The following VOPP1 variants were observed in gnomAD, a reference collection of about 807,000 sequenced individuals.
VOPP1 encodes WW domain binding protein VOPP1.
Under a neutral mutation model 23.5 loss-of-function variants are expected in VOPP1, and 8 were observed. The ratio of observed to expected loss-of-function variants is 0.34; its 90% confidence interval spans 0.20 to 0.61. VOPP1 has a LOEUF of 0.61. Among genes scored for constraint, VOPP1 ranks in the 20% least tolerant of loss-of-function variants. The pLI is 0.78. For missense variants in VOPP1, 174 were observed against 238.1 expected, an observed-to-expected ratio of 0.73 and a Z score of 1.77; for synonymous variants, 83 against 97.3, an observed-to-expected ratio of 0.85 and a Z score of 0.86.
intron 2 of VOPP1, 88 bp downstream of exon 2, chr7:55,520,984 C>A: frequency 1.4e-6 from 2 of 1,424,136 alleles, no homozygotes; most frequent in Non-Finnish European, 1.9e-6. Context: ...CCGGGCTTTC[C>A]CCATCCCACA....
intron 1 of VOPP1, 37 bp downstream of exon 1, chr7:55,572,234 G>A (rs1358318878): frequency 1.3e-6 from 2 of 1,495,592 alleles, no homozygotes; most frequent in South Asian, 1.2e-5. Flanking sequence ...CATGGTGGGC[G>A]CCGCGCCTCC....
chr7:55,553,778 C>T (rs1797708542), intron 1 of VOPP1: 1 of 152,212 alleles, frequency 6.6e-6, no homozygotes, highest in Non-Finnish European at 1.5e-5. Context: ...CACACACACA[C>T]ACACACACAC....
intron 4 of VOPP1, among the ~76,000 whole-genome samples, chr7:55,447,369 C>A (rs1313295797): frequency 6.6e-6 from 1 of 152,140 alleles, no homozygotes; most frequent in Non-Finnish European, 1.5e-5. Context: ...GTTCACGGTG[C>A]GTAAGGTTTG....
At chr7:55,542,555 C>G (rs905998514) in intron 1 of VOPP1, among the ~76,000 whole-genome samples, 2 of 152,208 alleles carry the variant, frequency 1.3e-5, no homozygotes, top group East Asian at 3.9e-4. Flanking sequence ...TTTGGGAGGC[C>G]GAGGCGGGCA....
chr7:55,520,007 A>T (rs1473591815), intron 2 of VOPP1, among the ~76,000 whole-genome samples: 1 of 152,172 alleles, frequency 6.6e-6, no homozygotes, highest in Non-Finnish European at 1.5e-5. Flanking sequence ...ACACGCCTGT[A>T]ATCTCAGCTA....
chr7:55,496,088 T>C (rs1793929083), intron 3 of VOPP1, among the ~76,000 whole-genome samples: 1 of 152,218 alleles, frequency 6.6e-6, no homozygotes, highest in African/African-American at 2.4e-5. Context: ...TGCCAGGCCC[T>C]AAAAGTTCAG....
At chr7:55,507,803 T>C (rs1460727346) in intron 2 of VOPP1, among the ~76,000 whole-genome samples, 2 of 152,170 alleles carry the variant, frequency 1.3e-5, no homozygotes, top group Non-Finnish European at 2.9e-5. Context: ...CCCATTTTGA[T>C]GATGTTTCAA....
At chr7:55,511,303 T>C (rs911775857) in intron 2 of VOPP1, among the ~76,000 whole-genome samples, 4 of 152,208 alleles carry the variant, frequency 2.6e-5, no homozygotes, top group Admixed American at 2.6e-4. Flanking sequence ...CGGTATTTAG[T>C]AGAATATAAG....
At chr7:55,546,554 C>T (rs1312403704) in intron 1 of VOPP1, among the ~76,000 whole-genome samples, 1 of 152,178 alleles carries the variant, frequency 6.6e-6, no homozygotes, top group African/African-American at 2.4e-5. Flanking sequence ...TAGGCAAATG[C>T]AGCATGGCAA....
At chr7:55,504,595 G>A (rs151327750) in intron 2 of VOPP1, among the ~76,000 whole-genome samples, 1,672 of 152,300 alleles carry the variant, frequency 0.011, 11 homozygotes, top group Middle Eastern at 0.02. Context: ...CCAGGCAGAC[G>A]CTGCCACTCC....
chr7:55,545,503 C>T (rs1431070884), intron 1 of VOPP1, among the ~76,000 whole-genome samples: 2 of 152,230 alleles, frequency 1.3e-5, no homozygotes, highest in African/African-American at 4.8e-5. Flanking sequence ...AGCCTGCTCT[C>T]CCCATCCTCT....
At chr7:55,566,243 T>C (rs1798160121) in intron 1 of VOPP1, among the ~76,000 whole-genome samples, 1 of 152,206 alleles carries the variant, frequency 6.6e-6, no homozygotes. Flanking sequence ...ACTATGATCA[T>C]GCCACTGAAG....
intron 1 of VOPP1, among the ~76,000 whole-genome samples, chr7:55,523,322 C>T (rs2129042665): frequency 6.6e-6 from 1 of 152,254 alleles, no homozygotes; most frequent in South Asian, 2.1e-4. Context: ...TCACAGTTTG[C>T]ACACATCAAA....
At chr7:55,562,096 TTC>T in intron 1 of VOPP1, 2 of 702,668 alleles carry the variant, frequency 2.8e-6, no homozygotes, top group Non-Finnish European at 5.2e-6. Flanking sequence ...CAGGTAATTG[TTC>T]GAAACTCCCT....
At chr7:55,508,904 C>T (rs1583965853) in intron 2 of VOPP1, among the ~76,000 whole-genome samples, 1 of 152,044 alleles carries the variant, frequency 6.6e-6, no homozygotes, top group Admixed American at 6.6e-5. Context: ...ATTAGCCAGA[C>T]GTGGTAGCAT....
intron 2 of VOPP1, among the ~76,000 whole-genome samples, chr7:55,504,973 T>C (rs1457643011): frequency 6.6e-6 from 1 of 152,258 alleles, no homozygotes; most frequent in Non-Finnish European, 1.5e-5. Context: ...ACGGATGCAG[T>C]ACAGTCTGGG....
intron 1 of VOPP1, among the ~76,000 whole-genome samples, chr7:55,542,793 GA>G (rs202064738): frequency 0.1 from 14,062 of 139,374 alleles, 873 homozygotes; most frequent in East Asian, 0.28. Flanking sequence ...CCATCTCCAA[GA>G]AAAAAAAAAA....
intron 1 of VOPP1, among the ~76,000 whole-genome samples, chr7:55,570,815 G>C (rs943176179): frequency 4.6e-5 from 7 of 152,014 alleles, no homozygotes; most frequent in African/African-American, 1.7e-4. Flanking sequence ...AGTGGTGGGC[G>C]CCTGTAGTCC....
At chr7:55,536,336 C>T (rs1378740896) in intron 1 of VOPP1, among the ~76,000 whole-genome samples, 1 of 152,168 alleles carries the variant, frequency 6.6e-6, no homozygotes, top group Non-Finnish European at 1.5e-5. Context: ...TAAGACCAAC[C>T]TGGCCAACAT....
Sources: allele counts gnomAD v4.1 joint callset (sites outside exome capture counted in the v4.1 genomes callset), GRCh38; gene constraint gnomAD v4.1.1; transcripts MANE v1.5; gene names NCBI Gene and HGNC (gene_info 2026-07-23, HGNC 2026-07-21).